The following TMEM117 variants were observed in gnomAD, a reference collection of about 807,000 sequenced individuals.
The protein encoded by TMEM117 is transmembrane protein 117.
In TMEM117, 27 loss-of-function variants were observed where a neutral mutation model predicts 52.4. The observed-to-expected ratio is 0.51, with a 90% CI of 0.38 to 0.71. TMEM117 has a LOEUF of 0.71. TMEM117 is among the 30% of genes least tolerant of loss of function. The probability of loss-of-function intolerance (pLI) is 0.00; values close to 1 mark genes in which losing one functional copy is unlikely to be tolerated. For synonymous variants in TMEM117, 215 were observed against 206.3 expected (o/e 1.04, Z -0.36); for missense variants, 556 against 630.5 (o/e 0.88, Z 1.26).
intron 5 of TMEM117, among the ~76,000 whole-genome samples, chr12:44,251,975 G>GA (rs1479564651): frequency 7.9e-5 from 12 of 151,496 alleles, no homozygotes; most frequent in Non-Finnish European, 1.5e-4. Flanking sequence ...GGCGAAAAAA[G>GA]AAAAAAATTG....
intron 3 of TMEM117, among the ~76,000 whole-genome samples, chr12:44,063,671 A>C (rs998157901): frequency 7.2e-6 from 1 of 139,660 alleles, no homozygotes; most frequent in Non-Finnish European, 1.5e-5. Flanking sequence ...CCTGTGTCCA[A>C]GTGTTCTAAT....
chr12:44,134,728 A>G (rs1220786091), intron 3 of TMEM117, among the ~76,000 whole-genome samples: 1 of 152,170 alleles, frequency 6.6e-6, no homozygotes, highest in Non-Finnish European at 1.5e-5. Context: ...GAATGGTTGC[A>G]CAGTTAAAAT....
At chr12:44,092,289 G>T (rs1947686647) in intron 3 of TMEM117, among the ~76,000 whole-genome samples, 1 of 152,178 alleles carries the variant, frequency 6.6e-6, no homozygotes, top group African/African-American at 2.4e-5. Context: ...TAAAATCATA[G>T]AATTTCTGAA....
intron 4 of TMEM117, among the ~76,000 whole-genome samples, chr12:44,169,994 C>T (rs558342836): frequency 5.3e-5 from 8 of 152,012 alleles, no homozygotes; most frequent in Non-Finnish European, 1.0e-4. Flanking sequence ...CACATGCACA[C>T]GTATGTTTAT....
At chr12:44,168,350 G>A (rs968530245) in intron 4 of TMEM117, among the ~76,000 whole-genome samples, 2 of 152,026 alleles carry the variant, frequency 1.3e-5, no homozygotes, top group Admixed American at 1.3e-4. Context: ...TTTTATTGAA[G>A]CAATAGAAAA....
chr12:44,188,990 A>C (rs986436559), intron 4 of TMEM117, among the ~76,000 whole-genome samples: 9 of 152,176 alleles, frequency 5.9e-5, no homozygotes, highest in African/African-American at 1.9e-4. Flanking sequence ...GGATACATTC[A>C]TATAATGTGT....
At chr12:43,830,295 T>C in the TMEM117 span, among the ~76,000 whole-genome samples, 1 of 151,848 alleles carries the variant, frequency 6.6e-6, no homozygotes, top group African/African-American at 2.4e-5. Context: ...ACCCTCTGTT[T>C]GCATGACTCC....
At chr12:44,199,062 C>T (rs924826690) in intron 4 of TMEM117, among the ~76,000 whole-genome samples, 6 of 152,164 alleles carry the variant, frequency 3.9e-5, no homozygotes, top group African/African-American at 1.4e-4. Flanking sequence ...CACCTCTTCT[C>T]CAATTTAAAT....
At chr12:44,220,098 G>A (rs1354946280) in intron 5 of TMEM117, among the ~76,000 whole-genome samples, 1 of 152,166 alleles carries the variant, frequency 6.6e-6, no homozygotes. Context: ...GAGAAAAAAA[G>A]ATACTAATGT....
At chr12:44,110,270 C>G (rs557453503) in intron 3 of TMEM117, among the ~76,000 whole-genome samples, 133 of 150,256 alleles carry the variant, frequency 8.9e-4, no homozygotes, top group African/African-American at 3.1e-3. Context: ...GAGAGGGCAT[C>G]CCTGTCTTGT....
At chr12:44,194,820 A>G (rs1013674294) in intron 4 of TMEM117, among the ~76,000 whole-genome samples, 16 of 152,142 alleles carry the variant, frequency 1.1e-4, no homozygotes, top group African/African-American at 3.9e-4. Context: ...ACAGAGGAAG[A>G]CCCTGTCAAA....
chr12:44,246,650 C>T (rs1197517618), intron 5 of TMEM117, among the ~76,000 whole-genome samples: 1 of 152,022 alleles, frequency 6.6e-6, no homozygotes, highest in Non-Finnish European at 1.5e-5. Flanking sequence ...AATTAGCGTC[C>T]AGGTCAGTCA....
rs990313428 is a variant in TMEM117 at position 44,330,988 on chromosome 12, A to G, written c.768+31249A>G. On this transcript the variant is annotated intron_variant, in intron 6 of 7. Transcript: ENST00000266534. ...TTTCAGCTAAACTATAAGTTTAAAA[A>G]CATTGTTTAGCAAGTCTGGGAACCT... Among the ~76,000 whole-genome samples, 4 of 152,048 alleles carry G rather than the reference A, an allele frequency of 2.6e-5. 1 individual carries two copies. The highest frequency in any genetic ancestry group is 9.7e-5 in the African/African-American group (4 of 41,408).
chr12:44,237,458 G>A lies in TMEM117; in HGVS notation c.608+26071G>A, dbSNP rs187011057. Among the ~76,000 whole-genome samples the A allele has an allele frequency of 6.4e-4, 97 of 152,046 alleles. 3 individuals are homozygous for A. The East Asian group carries it at 0.017, about 27-fold the overall frequency. On this transcript the variant is annotated intron_variant, in intron 5 of 7. Coordinates refer to ENST00000266534, the MANE Select transcript of TMEM117 (RefSeq NM_032256.3). ...CTATAGGCCAGGCATGGTGGCTCAC[G>A]CCTGTAATCCTAGCACTCTGAGAAG...
intron 6 of TMEM117, among the ~76,000 whole-genome samples, chr12:44,354,594 A>G (rs1286336991): frequency 6.6e-6 from 1 of 152,004 alleles, no homozygotes; most frequent in Non-Finnish European, 1.5e-5. Context: ...TAGATGCAGA[A>G]AAGGCCTTTG....
intron 4 of TMEM117, among the ~76,000 whole-genome samples, chr12:44,192,174 G>C (rs916175414): frequency 6.6e-6 from 1 of 152,254 alleles, no homozygotes; most frequent in Admixed American, 6.5e-5. Context: ...AGGGTGCAGG[G>C]TGGTCAAATG....
chr12:44,069,761 G>A (rs1490830144), intron 3 of TMEM117, among the ~76,000 whole-genome samples: 1 of 152,226 alleles, frequency 6.6e-6, no homozygotes, highest in Non-Finnish European at 1.5e-5. Flanking sequence ...CAAAATATCT[G>A]ACTAATAGTA....
chr12:44,030,131 G>A (rs1205377776), intron 3 of TMEM117, among the ~76,000 whole-genome samples: 3 of 152,178 alleles, frequency 2.0e-5, no homozygotes, highest in Non-Finnish European at 4.4e-5. Flanking sequence ...TTTAGTTCAT[G>A]TGACTTAAGT....
Position 43,952,243 on chromosome 12 carries a change from A to G in TMEM117, c.410+7901A>G, listed in dbSNP as rs11182344. Among the ~76,000 whole-genome samples, 168 of 152,232 alleles carry G rather than the reference A, an allele frequency of 1.1e-3. 2 individuals are homozygous for G. The East Asian group carries it at 0.028, about 25-fold the overall frequency. ...CGGAATGCCTCTTTTCCTCCAAATG[A>G]TCACAATATCTCTCCAGCAACAGCA... On this transcript the variant is annotated intron_variant, in intron 3 of 7. Coordinates refer to ENST00000266534, the MANE Select transcript of TMEM117 (RefSeq NM_032256.3).
Sources: gnomAD v4.1 joint callset for allele counts (sites outside exome capture counted in the v4.1 genomes callset) on GRCh38, gnomAD v4.1.1 for gene constraint, MANE v1.5 for transcripts, NCBI Gene and HGNC (gene_info 2026-07-23, HGNC 2026-07-21) for gene names.